Variants in APC observed in about 807,000 individuals in gnomAD.
APC encodes the protein APC regulator of Wnt signaling pathway.
In APC, 72 loss-of-function variants were observed where a neutral mutation model predicts 247.0. The observed-to-expected ratio is 0.29, with a 90% CI of 0.24 to 0.35. APC has a LOEUF of 0.35. Ranked by LOEUF, APC falls within the 10% of genes least tolerant of loss-of-function variation. The pLI is 1.00. For missense variants in APC, 3,400 were observed against 3,360.7 expected, an observed-to-expected ratio of 1.01 and a Z score of -0.29; for synonymous variants, 1,254 against 1,162.5, an observed-to-expected ratio of 1.08 and a Z score of -1.60.
In APC at chr5:112,819,154, G is replaced by C; in HGVS notation, c.1122G>C (p.Arg374=). The change falls in exon 10 of 16, where the codon CGG becomes CGC. Residue 374 remains arginine (R), a synonymous_variant. Coordinates refer to ENST00000257430, the MANE Select transcript of APC (RefSeq NM_000038.6). The part of the protein sequence containing the change: ...DKDSVLLGNS[R]GSKEARARAS... ...ACTCTGTATTGTTGGGAAATTCCCG[G>C]GGCAGTAAAGAGGCTCGGGCCAGGG... 1 of 1,614,000 alleles carries C rather than the reference G, an allele frequency of 6.2e-7. No homozygotes were observed. The highest frequency in any genetic ancestry group is 8.5e-7 in the Non-Finnish European group (1 of 1,179,984).
At chr5:112,810,627 A>G (rs1761893080) in intron 8 of APC, among the ~76,000 whole-genome samples, 1 of 152,074 alleles carries the variant, frequency 6.6e-6, no homozygotes, top group Non-Finnish European at 1.5e-5. Context: ...GTCAGGGTGT[A>G]GAGAAAACAG....
intron 1 of APC, among the ~76,000 whole-genome samples, chr5:112,719,990 A>G (rs1042514055): frequency 6.6e-6 from 1 of 152,186 alleles, no homozygotes; most frequent in South Asian, 2.1e-4. Flanking sequence ...TATAGGTACA[A>G]TTTGCGTTTG....
chr5:112,733,416 G>A (rs1752196449), upstream of APC, among the ~76,000 whole-genome samples: 1 of 152,194 alleles, frequency 6.6e-6, no homozygotes, highest in African/African-American at 2.4e-5. Flanking sequence ...GTGGAAGAGG[G>A]AGGCAGAAAA....
chr5:112,755,657 T>C (rs1056649873), intron 2 of APC, among the ~76,000 whole-genome samples: 17 of 152,262 alleles, frequency 1.1e-4, no homozygotes, highest in Non-Finnish European at 1.2e-4. Context: ...TGAAAAGTTC[T>C]GATCACCTCC....
At chr5:112,772,634 A>G (rs1757184659) in intron 4 of APC, among the ~76,000 whole-genome samples, 1 of 151,392 alleles carries the variant, frequency 6.6e-6, no homozygotes, top group Non-Finnish European at 1.5e-5. Flanking sequence ...CTCATGCCTC[A>G]GCCTCCCAAG....
intron 4 of APC, among the ~76,000 whole-genome samples, chr5:112,768,759 T>C (rs753544992): frequency 7.0e-6 from 1 of 143,370 alleles, no homozygotes; most frequent in Non-Finnish European, 1.5e-5. Context: ...TAGAACACAG[T>C]CCTGTACAGT....
chr5:112,717,985 A>G (rs1751278419), intron 1 of APC, among the ~76,000 whole-genome samples: 2 of 102,532 alleles, frequency 2.0e-5, no homozygotes, highest in Admixed American at 2.3e-4. Flanking sequence ...CTTCAGACTT[A>G]TCTTCAAAGT....
intron 1 of APC, among the ~76,000 whole-genome samples, chr5:112,746,307 G>A (rs190410825): frequency 6.6e-6 from 1 of 152,000 alleles, no homozygotes; most frequent in African/African-American, 2.4e-5. Flanking sequence ...AAGAAAAAAG[G>A]CACCTTCTGA....
At chr5:112,782,066 G>A (rs913121947) in intron 6 of APC, among the ~76,000 whole-genome samples, 2 of 152,184 alleles carry the variant, frequency 1.3e-5, no homozygotes, top group Admixed American at 1.3e-4. Context: ...ATACATACCC[G>A]AGACTGGGCA....
chr5:112,835,862 C>T (rs571056039), intron 15 of APC, among the ~76,000 whole-genome samples: 7 of 151,442 alleles, frequency 4.6e-5, no homozygotes, highest in Admixed American at 2.6e-4. Context: ...TGTGAGCCAC[C>T]GCGCCCGGCC....
Position 112,845,612 on chromosome 5 carries a change from T to C in APC, c.*1486T>C. 4.3e-6 allele frequency: 1 copy of C among 232,502 alleles called. No homozygotes were observed. 14.4% of individuals were successfully genotyped at this position (232,502 alleles called of 1,614,324 possible). On this transcript the variant is annotated 3_prime_UTR_variant, in exon 16 of 16. Transcript: ENST00000257430. ...GATTAAGATATTCAGAAGTATATTT[T>C]AGAATCCCTGCCTGTTAAGGAAACT...
chr5:112,783,288 G>A (rs947685486), intron 6 of APC, among the ~76,000 whole-genome samples: 3 of 152,122 alleles, frequency 2.0e-5, no homozygotes, highest in East Asian at 1.9e-4. Context: ...CTGGAATGCC[G>A]TATCCTTCAT....
chr5:112,835,779 G>T (rs1054992959), intron 15 of APC, among the ~76,000 whole-genome samples: 4 of 151,816 alleles, frequency 2.6e-5, no homozygotes, highest in African/African-American at 9.7e-5. Context: ...TCACAATGTT[G>T]TCCAGCTGCT....
chr5:112,712,917 T>A (rs904807524), intron 1 of APC, among the ~76,000 whole-genome samples: 2 of 152,182 alleles, frequency 1.3e-5, no homozygotes, highest in Non-Finnish European at 2.9e-5. Context: ...ACGCCTGTAA[T>A]CCCAGCACTT....
chr5:112,734,777 T>TTG (rs71626673), upstream of APC, among the ~76,000 whole-genome samples: 54 of 146,820 alleles, frequency 3.7e-4, 1 homozygote, highest in African/African-American at 1.0e-3. Flanking sequence ...AAGGGTTTTC[T>TTG]TGTGTGTGTG....
At chr5:112,757,058 C>T (rs1240611062) in intron 2 of APC, among the ~76,000 whole-genome samples, 1 of 152,102 alleles carries the variant, frequency 6.6e-6, no homozygotes, top group Non-Finnish European at 1.5e-5. Context: ...CTATATACAT[C>T]AGGAATAGTG....
intron 7 of APC, among the ~76,000 whole-genome samples, chr5:112,801,001 T>A (rs1251801684): frequency 6.6e-6 from 1 of 152,182 alleles, no homozygotes; most frequent in African/African-American, 2.4e-5. Flanking sequence ...GATAGTAATG[T>A]GAGCGCAGCT....
Position 112,842,558 on chromosome 5 carries a change from C to G in APC, c.6964C>G (p.Gln2322Glu), listed in dbSNP as rs2149977229. ...CCAGCAACCATTAAGTAGACCTATA[C>G]AGTCTCCTGGCCGAAACTCAATTTC... is the stretch of plus-strand genomic sequence containing the variant. ...PAQQPLSRPIQSPGRNSISPG... is the reference protein window; with the variant it reads ...PAQQPLSRPIESPGRNSISPG... The change falls in exon 16 of 16, where the codon CAG becomes GAG. Residue 2322 changes from glutamine (Q) to glutamate (E), a missense_variant. Physicochemically the swap from Gln to Glu is conservative, Grantham distance 29 (BLOSUM62 2). This residue lies in a region of APC where 1,788 missense variants were observed against 1,649.5 expected (regional missense o/e 1.08). Coordinates refer to ENST00000257430, the MANE Select transcript of APC (RefSeq NM_000038.6). The G allele has an allele frequency of 1.2e-6, 2 of 1,613,846 alleles. No homozygotes were observed. Among genetic ancestry groups the G allele is most frequent in the Non-Finnish European group, 1.7e-6 (2 of 1,179,748 alleles).
At chr5:112,726,373 C>T (rs1297764803) in intron 1 of APC, among the ~76,000 whole-genome samples, 1 of 152,172 alleles carries the variant, frequency 6.6e-6, no homozygotes, top group Non-Finnish European at 1.5e-5. Flanking sequence ...GGAAGATGAT[C>T]TTCCCCTGGA....
Sources: allele counts gnomAD v4.1 joint callset (sites outside exome capture counted in the v4.1 genomes callset), GRCh38; gene constraint gnomAD v4.1.1; regional missense constraint gnomAD v4.1.1; transcripts MANE v1.5; gene names NCBI Gene and HGNC (gene_info 2026-07-23, HGNC 2026-07-21).